Variants in MARCHF1 observed in about 807,000 individuals in gnomAD.
MARCHF1 encodes membrane associated ring-CH-type finger 1.
MARCHF1 carries 40 observed loss-of-function variants against 54.2 expected under a neutral mutation model. The observed-to-expected ratio is 0.74, with a 90% CI of 0.57 to 0.96. MARCHF1 has a LOEUF of 0.96. Ranked by LOEUF, MARCHF1 falls within the 40% of genes least tolerant of loss-of-function variation. MARCHF1 has a pLI of 0.00. For synonymous variants in MARCHF1, 236 were observed against 236.3 expected, an observed-to-expected ratio of 1.00 and a Z score of 0.01; for missense variants, 586 against 656.5, an observed-to-expected ratio of 0.89 and a Z score of 1.17.
At chr4:164,194,759 G>A (rs887622902) in intron 1 of MARCHF1, among the ~76,000 whole-genome samples, 5 of 151,926 alleles carry the variant, frequency 3.3e-5, no homozygotes, top group Non-Finnish European at 7.4e-5. Context: ...AAATTCTAAA[G>A]TAAATTGTGT....
At chr4:164,356,558 T>C (rs534892237) in intron 1 of MARCHF1, among the ~76,000 whole-genome samples, 6 of 135,664 alleles carry the variant, frequency 4.4e-5, no homozygotes, top group African/African-American at 1.3e-4. Context: ...TAGGTGGGAA[T>C]TGAACAATGA....
intron 4 of MARCHF1, among the ~76,000 whole-genome samples, chr4:163,739,267 A>G (rs1746130474): frequency 6.6e-6 from 1 of 152,228 alleles, no homozygotes; most frequent in East Asian, 1.9e-4. Context: ...GACTCCTCAT[A>G]GAGTTGCCAC....
At chr4:163,742,325 C>G (rs1483502586) in intron 4 of MARCHF1, among the ~76,000 whole-genome samples, 1 of 150,122 alleles carries the variant, frequency 6.7e-6, no homozygotes, top group Non-Finnish European at 1.5e-5. Context: ...CCTTTCTCTC[C>G]CTCCCTTTCC....
chr4:164,224,579 A>T (rs1037701915), intron 1 of MARCHF1, among the ~76,000 whole-genome samples: 7 of 152,028 alleles, frequency 4.6e-5, no homozygotes, highest in Admixed American at 2.6e-4. Context: ...AAAGAATCTA[A>T]ATTATAGAAA....
chr4:163,955,369 C>CA (rs79667612), intron 3 of MARCHF1, among the ~76,000 whole-genome samples: 3,133 of 93,636 alleles, frequency 0.033, 46 homozygotes, highest in African/African-American at 0.064. Flanking sequence ...AAAAACAAAG[C>CA]AAAAAAAAAA....
chr4:163,859,850 T>C (rs1749874875), intron 3 of MARCHF1, among the ~76,000 whole-genome samples: 1 of 152,154 alleles, frequency 6.6e-6, no homozygotes, highest in Non-Finnish European at 1.5e-5. Flanking sequence ...CCCACATAAA[T>C]AGTTACACCC....
At chr4:164,287,499 C>T (rs187837565) in intron 1 of MARCHF1, among the ~76,000 whole-genome samples, 18 of 152,286 alleles carry the variant, frequency 1.2e-4, no homozygotes, top group Non-Finnish European at 2.9e-5. Flanking sequence ...GCATTCCTTA[C>T]AATCACTAAG....
chr4:164,002,252 G>A (rs1376654877), intron 2 of MARCHF1, among the ~76,000 whole-genome samples: 1 of 151,506 alleles, frequency 6.6e-6, no homozygotes, highest in Admixed American at 6.6e-5. Context: ...TCACGATTAA[G>A]GTCAGTGATG....
At chr4:163,844,684 C>T (rs1028437317) in intron 4 of MARCHF1, among the ~76,000 whole-genome samples, 5 of 152,136 alleles carry the variant, frequency 3.3e-5, no homozygotes, top group Admixed American at 1.3e-4. Context: ...GAGAATATAG[C>T]CAATCATTCA....
chr4:164,064,820 C>T (rs1182549267), intron 2 of MARCHF1, among the ~76,000 whole-genome samples: 46 of 151,946 alleles, frequency 3.0e-4, no homozygotes, highest in Admixed American at 3.0e-3. Context: ...GAGGTATGTT[C>T]CTTTAATACA....
At chr4:163,596,978 C>T (rs781082554) in intron 7 of MARCHF1, among the ~76,000 whole-genome samples, 19 of 149,008 alleles carry the variant, frequency 1.3e-4, no homozygotes, top group African/African-American at 1.7e-4. Context: ...TTATTTGAGA[C>T]GGAGTCTTGC....
At chr4:163,697,400 T>C (rs1005171176) in intron 5 of MARCHF1, among the ~76,000 whole-genome samples, 2 of 152,180 alleles carry the variant, frequency 1.3e-5, no homozygotes, top group Non-Finnish European at 2.9e-5. Context: ...GATAGGAGTC[T>C]CATGCCTGTT....
chr4:164,006,675 T>C (rs1034616601), intron 2 of MARCHF1, among the ~76,000 whole-genome samples: 1 of 151,916 alleles, frequency 6.6e-6, no homozygotes, highest in Non-Finnish European at 1.5e-5. Flanking sequence ...CCAAGGTATA[T>C]AATAATCAAA....
At chr4:163,769,687 T>C (rs994938602) in intron 4 of MARCHF1, among the ~76,000 whole-genome samples, 1 of 152,222 alleles carries the variant, frequency 6.6e-6, no homozygotes, top group Admixed American at 6.5e-5. Flanking sequence ...CAGTAGATCA[T>C]TTCTTTTAGA....
At chr4:164,096,325 A>G (rs939868487) in intron 2 of MARCHF1, among the ~76,000 whole-genome samples, 3 of 152,124 alleles carry the variant, frequency 2.0e-5, no homozygotes, top group South Asian at 2.1e-4. Flanking sequence ...ACAGAAAACC[A>G]AATATTGCAC....
intron 8 of MARCHF1, among the ~76,000 whole-genome samples, chr4:163,577,092 T>C (rs1740065244): frequency 2.0e-5 from 3 of 152,140 alleles, no homozygotes; most frequent in Admixed American, 2.0e-4. Flanking sequence ...GAGGTTTTGA[T>C]CCTATCATGA....
chr4:163,687,201 A>G (rs1353553023), intron 5 of MARCHF1, among the ~76,000 whole-genome samples: 1 of 152,062 alleles, frequency 6.6e-6, no homozygotes, highest in African/African-American at 2.4e-5. Context: ...CCCAAGTTCA[A>G]TGTAAATTCC....
At chr4:164,092,791 G>C (rs138585538) in intron 2 of MARCHF1, among the ~76,000 whole-genome samples, 1 of 152,082 alleles carries the variant, frequency 6.6e-6, no homozygotes, top group Non-Finnish European at 1.5e-5. Flanking sequence ...AGAAAGTTAC[G>C]TTGACTGATC....
At chr4:164,040,678 C>T (rs1754110110) in intron 2 of MARCHF1, among the ~76,000 whole-genome samples, 1 of 151,774 alleles carries the variant, frequency 6.6e-6, no homozygotes, top group Non-Finnish European at 1.5e-5. Context: ...TAAATATATA[C>T]ATGGCAATGT....
Sources: allele counts gnomAD v4.1 joint callset (sites outside exome capture counted in the v4.1 genomes callset), GRCh38; gene constraint gnomAD v4.1.1; transcripts MANE v1.5; gene names NCBI Gene and HGNC (gene_info 2026-07-23, HGNC 2026-07-21).